Variants in ABL1 observed in about 807,000 individuals in gnomAD.
ABL1 encodes ABL proto-oncogene 1, non-receptor tyrosine kinase.
Under a neutral mutation model 94.7 loss-of-function variants are expected in ABL1, and 11 were observed. That is an observed-to-expected ratio of 0.12 (90% CI 0.07 to 0.19). The LOEUF is 0.19. ABL1 is among the 10% of genes least tolerant of loss of function. The pLI is 1.00. For synonymous variants in ABL1, 656 were observed against 622.4 expected, an observed-to-expected ratio of 1.05 and a Z score of -0.80; for missense variants, 1,082 against 1,489.4, an observed-to-expected ratio of 0.73 and a Z score of 4.50.
At chr9:130,762,055 A>G (rs1371832152) in intron 1 of ABL1, among the ~76,000 whole-genome samples, 1 of 151,440 alleles carries the variant, frequency 6.6e-6, no homozygotes, top group Non-Finnish European at 1.5e-5. Context: ...AGGCAGGAGA[A>G]TCACTTGAAC....
intron 1 of ABL1, among the ~76,000 whole-genome samples, chr9:130,839,296 A>T (rs184703134): frequency 4.6e-4 from 70 of 152,252 alleles, no homozygotes; most frequent in Middle Eastern, 3.4e-3. Flanking sequence ...TTTCCAGCGG[A>T]TGCTTCATGT....
intron 1 of ABL1, among the ~76,000 whole-genome samples, chr9:130,813,548 G>A (rs367992896): frequency 1.6e-3 from 183 of 114,646 alleles, no homozygotes; most frequent in Admixed American, 5.9e-3. Flanking sequence ...CTGAGAGAGC[G>A]AGACTCCATC....
At chr9:130,762,081 T>G (rs1374590039) in intron 1 of ABL1, among the ~76,000 whole-genome samples, 1 of 148,488 alleles carries the variant, frequency 6.7e-6, no homozygotes, top group East Asian at 2.0e-4. Context: ...AGGCGAAGTT[T>G]GTGGGGACCC....
rs1222343356 is a variant in ABL1 at position 130,872,650 on chromosome 9, G to C, written c.908-210G>C. ...GCAGCCTCTCCCTGCGTAAATTCAAGTTCACTGGCTTGAGAAGAAGAAAAG... is the reference window on the plus strand; with the variant it reads ...GCAGCCTCTCCCTGCGTAAATTCAACTTCACTGGCTTGAGAAGAAGAAAAG... On this transcript the variant is annotated intron_variant, in intron 5 of 10. Transcript: ENST00000318560. The surrounding 1 kb of genome is among the most constrained non-coding windows in gnomAD (Gnocchi z 5.0). Among the ~76,000 whole-genome samples the C allele has an allele frequency of 6.6e-6, 1 of 152,298 alleles. No homozygotes were observed. The highest frequency in any genetic ancestry group is 1.9e-4 in the East Asian group (1 of 5,180).
chr9:130,858,499 TTCTGAGCCCA>T (rs1173410192), intron 3 of ABL1, among the ~76,000 whole-genome samples: 1 of 152,080 alleles, frequency 6.6e-6, no homozygotes, highest in African/African-American at 2.4e-5. Flanking sequence ...ACCTGGGGAC[TTCTGAGCCCA>T]CAGCGTCATC....
chr9:130,820,518 A>G (rs985132312), intron 1 of ABL1, among the ~76,000 whole-genome samples: 1 of 151,732 alleles, frequency 6.6e-6, no homozygotes, highest in African/African-American at 2.4e-5. Context: ...TGTGTATACA[A>G]CCTTCCCCTC....
At chr9:130,745,353 G>C (rs1165560977) in intron 1 of ABL1, among the ~76,000 whole-genome samples, 1 of 152,034 alleles carries the variant, frequency 6.6e-6, no homozygotes, top group Non-Finnish European at 1.5e-5. Flanking sequence ...CAAAGTGCTG[G>C]GATTACAGGC....
chr9:130,714,349 G>T, exon 1 of ABL1: 2 of 1,612,874 alleles, frequency 1.2e-6, no homozygotes, highest in Non-Finnish European at 1.7e-6. Flanking sequence ...AAGTACTTGG[G>T]GACCAAAGAA....
At chr9:130,852,565 C>T (rs1830885635) in intron 1 of ABL1, among the ~76,000 whole-genome samples, 1 of 152,076 alleles carries the variant, frequency 6.6e-6, no homozygotes, top group Non-Finnish European at 1.5e-5. Context: ...TTTCACTCCA[C>T]AATGTTCTTC....
intron 1 of ABL1, chr9:130,724,770 A>AAT (rs1831558761): frequency 2.2e-6 from 1 of 453,402 alleles, no homozygotes. Context: ...AAAAAAAAAA[A>AAT]GCAAATAAAT....
At chr9:130,721,101 G>A (rs373601302) in intron 1 of ABL1, among the ~76,000 whole-genome samples, 207 of 152,108 alleles carry the variant, frequency 1.4e-3, no homozygotes, top group African/African-American at 4.7e-3. Context: ...ACTGTAGGCC[G>A]GGCGCTGTGA....
At chr9:130,796,095 C>T (rs1473980326) in intron 1 of ABL1, among the ~76,000 whole-genome samples, 2 of 152,082 alleles carry the variant, frequency 1.3e-5, no homozygotes, top group Non-Finnish European at 2.9e-5. Context: ...ATTGCTTGAA[C>T]CTGGGAGGTA....
At chr9:130,858,187 C>T (rs942642273) in intron 3 of ABL1, among the ~76,000 whole-genome samples, 3 of 151,510 alleles carry the variant, frequency 2.0e-5, no homozygotes, top group Non-Finnish European at 4.4e-5. Context: ...CAGGCATGAT[C>T]TAGTGTGACA....
chr9:130,786,170 A>G (rs1268448155), intron 1 of ABL1, among the ~76,000 whole-genome samples: 8 of 152,204 alleles, frequency 5.3e-5, no homozygotes, highest in Admixed American at 5.2e-4. Context: ...TCTGTGGGAA[A>G]GGCCAGACAG....
Position 130,853,575 on chromosome 9 carries a change from C to T in ABL1, c.80-489C>T, listed in dbSNP as rs557574712. On this transcript the variant is annotated intron_variant, in intron 1 of 10. Transcript: ENST00000318560. Reference sequence around the variant, plus strand: ...GACTACAGGTGTGCGTCACCATGCCCGGCTAATTTTTGTATGTCTAATGGA... The same window carrying T: ...GACTACAGGTGTGCGTCACCATGCCTGGCTAATTTTTGTATGTCTAATGGA... Among the ~76,000 whole-genome samples, 65 of 152,220 alleles carry T rather than the reference C, an allele frequency of 4.3e-4. 1 individual carries two copies. The South Asian group carries it at 0.012, about 29-fold the overall frequency.
chr9:130,884,950 G>A lies in ABL1; in HGVS notation c.2660G>A (p.Arg887Lys). The change falls in exon 11 of 11, where the codon AGG (arginine) becomes AAG (lysine). Residue 887 changes from arginine to lysine, a missense_variant. Around this residue, in one of 7 missense-constraint regions of ABL1, gnomAD observed 780 missense variants for 835.8 expected, o/e 0.93. Coordinates refer to ENST00000318560, the MANE Select transcript of ABL1 (RefSeq NM_005157.6). The surrounding 1 kb of genome is among the most constrained non-coding windows in gnomAD (Gnocchi z 5.6). ...RHKHSSESPG[R>K]DKGKLSRLKP... ...AAGCACTCCTCTGAGTCGCCAGGGA[G>A]GGACAAGGGGAAATTGTCCAGGCTC... 1 of 1,611,550 alleles carries A rather than the reference G, an allele frequency of 6.2e-7. No homozygotes were observed. The highest frequency in any genetic ancestry group is 8.5e-7 in the Non-Finnish European group (1 of 1,179,588).
intron 1 of ABL1, chr9:130,725,154 G>A (rs1831564886): frequency 6.1e-6 from 1 of 164,422 alleles, no homozygotes; most frequent in African/African-American, 2.4e-5. Flanking sequence ...TATTCCCAGT[G>A]ATGCAGTCAT....
At chr9:130,784,161 C>T (rs1037683654) in intron 1 of ABL1, among the ~76,000 whole-genome samples, 1 of 152,050 alleles carries the variant, frequency 6.6e-6, no homozygotes, top group Non-Finnish European at 1.5e-5. Flanking sequence ...CAATATAATG[C>T]CATGGTTTAA....
intron 1 of ABL1, among the ~76,000 whole-genome samples, chr9:130,760,785 C>T (rs1383807513): frequency 6.6e-6 from 1 of 151,308 alleles, no homozygotes; most frequent in Admixed American, 6.6e-5. Context: ...GCCTCAGCCT[C>T]CCGAGTAGCT....
Sources: gnomAD v4.1 joint callset for allele counts (sites outside exome capture counted in the v4.1 genomes callset) on GRCh38, gnomAD v4.1.1 for gene constraint, gnomAD v4.1.1 regional missense constraint, Gnocchi (gnomAD v3.1) non-coding constraint, MANE v1.5 for transcripts, NCBI Gene and HGNC (gene_info 2026-07-23, HGNC 2026-07-21) for gene names.